UGT1A10: variants seen among roughly 807,000 people sequenced by gnomAD.
The protein encoded by UGT1A10 is UDP glucuronosyltransferase family 1 member A10, also known as UDP-glucuronosyltransferase 1A10.
UGT1A10 carries 49 observed loss-of-function variants against 45.8 expected under a neutral mutation model. That is an observed-to-expected ratio of 1.07 (90% CI 0.85 to 1.36). The LOEUF (loss-of-function observed/expected upper bound fraction) is 1.36. UGT1A10 is among the 40% of genes most tolerant of loss of function. The pLI is 0.00. For synonymous variants in UGT1A10, 284 were observed against 249.7 expected (o/e 1.14, Z -1.29); for missense variants, 745 against 668.6 (o/e 1.11, Z -1.26).
At chr2:233,653,005 C>G (rs749642851) in intron 1 of UGT1A10, among the ~76,000 whole-genome samples, 1 of 152,094 alleles carries the variant, frequency 6.6e-6, no homozygotes, top group African/African-American at 2.4e-5. Flanking sequence ...AGGACACTAT[C>G]GAGAGAGTGA....
chr2:233,763,730 G>A (rs559647176), intron 1 of UGT1A10, among the ~76,000 whole-genome samples: 3 of 152,268 alleles, frequency 2.0e-5, no homozygotes, highest in Non-Finnish European at 4.4e-5. Context: ...GCACAACCTG[G>A]CATTGGCGTG....
At chr2:233,722,989 C>T (rs1375139966) in intron 1 of UGT1A10, among the ~76,000 whole-genome samples, 3 of 146,558 alleles carry the variant, frequency 2.0e-5, no homozygotes, top group South Asian at 2.4e-4. Flanking sequence ...GCTGTCTCAG[C>T]GTGGCAGAGG....
intron 1 of UGT1A10, among the ~76,000 whole-genome samples, chr2:233,681,132 G>A (rs776169947): frequency 5.3e-5 from 8 of 151,772 alleles, no homozygotes; most frequent in Non-Finnish European, 1.2e-4. Flanking sequence ...AGACACAGGT[G>A]AGCCGCAATT....
At chr2:233,755,240 T>C (rs995550231) in intron 1 of UGT1A10, 23 of 876,322 alleles carry the variant, frequency 2.6e-5, no homozygotes, top group Admixed American at 5.9e-5. Context: ...CCTACCGGGG[T>C]ACTCCCAGCA....
Position 233,636,752 on chromosome 2 carries a change from A to G in UGT1A10, c.230A>G (p.Tyr77Cys). The change falls in exon 1 of 5, where the codon TAC (tyrosine) becomes TGC (cysteine). Residue 77 changes from tyrosine (Y) to cysteine (C), a missense_variant. Tyr to Cys is a radical substitution (Grantham distance 194, BLOSUM62 -2). Coordinates refer to ENST00000344644, the MANE Select transcript of UGT1A10 (RefSeq NM_019075.4). ...TCACTGAATTGCACAGTGAAGACTT[A>G]CTCAACCTCGTACACTCTGGAAGAT... ...ERSLNCTVKT[Y>C]STSYTLEDQN... is the part of the protein sequence containing the mutation. 1 of 1,614,106 alleles carries G rather than the reference A, an allele frequency of 6.2e-7. No individual in the cohort carries two copies. The highest frequency in any genetic ancestry group is 1.1e-5 in the South Asian group (1 of 91,076).
intron 1 of UGT1A10, among the ~76,000 whole-genome samples, chr2:233,723,457 G>T (rs1279798549): frequency 7.3e-6 from 1 of 136,216 alleles, no homozygotes; most frequent in African/African-American, 2.9e-5. Flanking sequence ...TGATCCACCC[G>T]CCTCAGCCTC....
At chr2:233,654,521 C>T (rs2073812063) in intron 1 of UGT1A10, among the ~76,000 whole-genome samples, 1 of 152,130 alleles carries the variant, frequency 6.6e-6, no homozygotes, top group Non-Finnish European at 1.5e-5. Flanking sequence ...TAGAAAAAAA[C>T]GTTTTCTGCA....
intron 1 of UGT1A10, chr2:233,691,490 G>A (rs2075045051): frequency 5.1e-6 from 5 of 985,774 alleles, no homozygotes; most frequent in Non-Finnish European, 4.8e-6. Flanking sequence ...TTGTGGGTGG[G>A]AACAGGAACT....
chr2:233,653,003 A>G (rs1365949817), intron 1 of UGT1A10, among the ~76,000 whole-genome samples: 1 of 152,206 alleles, frequency 6.6e-6, no homozygotes, highest in African/African-American at 2.4e-5. Context: ...CAAGGACACT[A>G]TCGAGAGAGT....
chr2:233,761,169 A>C, intron 1 of UGT1A10: 1 of 1,614,188 alleles, frequency 6.2e-7, no homozygotes, highest in Non-Finnish European at 8.5e-7. Flanking sequence ...TTGGAGTGGG[A>C]CTTTTACATG....
intron 1 of UGT1A10, chr2:233,682,401 T>G (rs760961250): frequency 6.2e-7 from 1 of 1,614,010 alleles, no homozygotes; most frequent in East Asian, 2.2e-5. Flanking sequence ...GCCTGTGGCT[T>G]AATTGTTGCC....
intron 1 of UGT1A10, chr2:233,693,664 T>C (rs140637573): frequency 4.3e-6 from 7 of 1,614,196 alleles, no homozygotes; most frequent in Non-Finnish European, 5.9e-6. Context: ...TGGAGCCCTA[T>C]CTATTTTATT....
intron 1 of UGT1A10, chr2:233,718,700 T>C: frequency 1.0e-5 from 16 of 1,599,044 alleles, no homozygotes; most frequent in Non-Finnish European, 1.3e-5. Flanking sequence ...GAGGGCACTT[T>C]GTCTTCCAAT....
chr2:233,692,244 C>G (rs1287404440), intron 1 of UGT1A10: 1 of 152,330 alleles, frequency 6.6e-6, no homozygotes, highest in Non-Finnish European at 1.5e-5. Flanking sequence ...CATGGCCATA[C>G]CCCCATATCT....
At position 233,767,254 on chromosome 2, in the gene UGT1A10, G is replaced by A. The variant is rs35359603; in HGVS notation, c.987+89G>A. The A allele has an allele frequency of 2.3e-4, 374 of 1,598,070 alleles. 1 individual carries two copies. In the African/African-American group the frequency reaches 4.6e-3, roughly 20 times the overall value. ...AGCTTCCAGATTAATTCTCTTAATTGGAACCTTAGATTTGGCTTTTCCCTG... is the reference window on the plus strand; with the variant it reads ...AGCTTCCAGATTAATTCTCTTAATTAGAACCTTAGATTTGGCTTTTCCCTG... On this transcript the variant is annotated intron_variant, in intron 2 of 4. Transcript: ENST00000344644.
At chr2:233,655,534 T>C (rs1232154808) in intron 1 of UGT1A10, among the ~76,000 whole-genome samples, 1 of 152,080 alleles carries the variant, frequency 6.6e-6, no homozygotes, top group African/African-American at 2.4e-5. Context: ...GTTCCTTCCA[T>C]GCAGAAGCCA....
At chr2:233,662,159 G>A (rs991145288) in intron 1 of UGT1A10, among the ~76,000 whole-genome samples, 4 of 152,130 alleles carry the variant, frequency 2.6e-5, no homozygotes, top group Non-Finnish European at 5.9e-5. Context: ...ATGGTGTCAT[G>A]TATAGTCTGT....
At chr2:233,649,708 T>A (rs1412879414) in intron 1 of UGT1A10, among the ~76,000 whole-genome samples, 2 of 152,184 alleles carry the variant, frequency 1.3e-5, no homozygotes, top group African/African-American at 4.8e-5. Flanking sequence ...TGCTAAAGAT[T>A]TGGCTAACTT....
intron 1 of UGT1A10, chr2:233,743,546 C>G: frequency 7.3e-7 from 1 of 1,367,310 alleles, no homozygotes; most frequent in Non-Finnish European, 9.8e-7. Flanking sequence ...CTCTGACCCC[C>G]CCAAAATATT....
Sources: gnomAD v4.1 joint callset for allele counts (sites outside exome capture counted in the v4.1 genomes callset) on GRCh38, gnomAD v4.1.1 for gene constraint, MANE v1.5 for transcripts, NCBI Gene and HGNC (gene_info 2026-07-23, HGNC 2026-07-21) for gene names.